Variants in CMKLR2 observed in about 807,000 individuals in gnomAD.
CMKLR2 encodes chemerin chemokine-like receptor 2.
A neutral mutation model predicts 23.0 loss-of-function variants in CMKLR2; 18 were observed. That is an observed-to-expected ratio of 0.78 (90% CI 0.54 to 1.16). The LOEUF is 1.16. Among genes scored for constraint, CMKLR2 ranks in the 50% most tolerant of loss-of-function variants. CMKLR2 has a pLI of 0.00. For missense variants in CMKLR2, 401 were observed against 412.7 expected (o/e 0.97, Z 0.25); for synonymous variants, 158 against 158.9 (o/e 0.99, Z 0.05).
intron 1 of CMKLR2, among the ~76,000 whole-genome samples, chr2:206,179,666 G>A (rs1481018111): frequency 6.6e-6 from 1 of 152,082 alleles, no homozygotes; most frequent in Non-Finnish European, 1.5e-5. Context: ...GTTTTTCTGG[G>A]TTAAGAAGAC....
rs755718806 is a variant in CMKLR2 at position 206,176,913 on chromosome 2, G to A, written c.335C>T (p.Ala112Val). The A allele has an allele frequency of 6.2e-7, 1 of 1,614,196 alleles. No individual in the cohort carries two copies. Among genetic ancestry groups the A allele is most frequent in the South Asian group, 1.1e-5 (1 of 91,080 alleles). The change falls in exon 2 of 2, where the codon GCC becomes GTC. Residue 112 changes from alanine (A) to valine (V), a missense_variant. Coordinates refer to ENST00000621141, the MANE Select transcript of CMKLR2 (RefSeq NM_001389445.1). ...HWPFGIWLCK[A>V]NSFTAQLNMF... is the part of the protein sequence containing the mutation. ...GTTCAACTGGGCAGTGAAGGAATTGGCTTTGCACAGCCAGATGCCAAAGGG... is the reference window on the plus strand; with the variant it reads ...GTTCAACTGGGCAGTGAAGGAATTGACTTTGCACAGCCAGATGCCAAAGGG...
At chr2:206,205,088 G>T (rs1452027590) in intron 1 of CMKLR2, among the ~76,000 whole-genome samples, 1 of 152,150 alleles carries the variant, frequency 6.6e-6, no homozygotes, top group Non-Finnish European at 1.5e-5. Flanking sequence ...TAAGTTTGAT[G>T]AATATATCAT....
chr2:206,185,995 C>T (rs543005865), intron 1 of CMKLR2, among the ~76,000 whole-genome samples: 1 of 152,198 alleles, frequency 6.6e-6, no homozygotes, highest in East Asian at 1.9e-4. Flanking sequence ...TGGGTGACCT[C>T]GTGGAACAGA....
At chr2:206,191,638 G>C (rs1688750345) in intron 1 of CMKLR2, among the ~76,000 whole-genome samples, 1 of 149,896 alleles carries the variant, frequency 6.7e-6, no homozygotes, top group Admixed American at 6.7e-5. Context: ...ATATTATACT[G>C]TATAGTACTA....
intron 1 of CMKLR2, among the ~76,000 whole-genome samples, chr2:206,206,917 CTTTTTTT>C (rs66681603): frequency 7.9e-6 from 1 of 126,154 alleles, no homozygotes; most frequent in Non-Finnish European, 1.6e-5. Context: ...CCCCCTGCCC[CTTTTTTT>C]TTTTTTTTTT....
chr2:206,177,685 C>T (rs1199499515), intron 1 of CMKLR2, among the ~76,000 whole-genome samples: 1 of 152,136 alleles, frequency 6.6e-6, no homozygotes, highest in Non-Finnish European at 1.5e-5. Flanking sequence ...CTATACCCAG[C>T]AAATATAGTA....
chr2:206,203,291 T>G (rs1245784838), intron 1 of CMKLR2: 1 of 139,986 alleles, frequency 7.1e-6, no homozygotes. Context: ...ATCGCGCCAT[T>G]GCACTCCAGC....
intron 1 of CMKLR2, among the ~76,000 whole-genome samples, chr2:206,207,012 G>A (rs1375538669): frequency 6.8e-6 from 1 of 147,902 alleles, no homozygotes; most frequent in Non-Finnish European, 1.5e-5. Flanking sequence ...AATCTGTTCA[G>A]CCACTTCCTT....
chr2:206,176,997 A>G lies in CMKLR2; in HGVS notation c.251T>C (p.Phe84Ser), dbSNP rs1688248891. The change falls in exon 2 of 2, where the codon TTC (phenylalanine) becomes TCC (serine). Residue 84 changes from phenylalanine (F) to serine (S), a missense_variant. Phe to Ser is a radical substitution (Grantham distance 155). Coordinates refer to ENST00000621141, the MANE Select transcript of CMKLR2 (RefSeq NM_001389445.1). The stretch of plus-strand genomic sequence containing the variant: ...CAGGGGCAGAAAGAGAAGAAAAATG[A>G]AATCCGCAATGGCTAGATTGAGGAA... Reference protein sequence around the residue: ...LWFLNLAIADFIFLLFLPLYI... With the variant: ...LWFLNLAIADSIFLLFLPLYI... 1 of 1,614,104 alleles carries G rather than the reference A, an allele frequency of 6.2e-7. No homozygotes were observed. The highest frequency in any genetic ancestry group is 1.3e-5 in the African/African-American group (1 of 74,944).
chr2:206,210,864 A>C (rs1434776765), intron 1 of CMKLR2, among the ~76,000 whole-genome samples: 2 of 152,204 alleles, frequency 1.3e-5, no homozygotes, highest in African/African-American at 4.8e-5. Context: ...TTTTCCACTC[A>C]ATTAGAGGTT....
At chr2:206,207,728 C>CTTTTGTTTTTTTTTTTTTT (rs1689382989) in intron 1 of CMKLR2, among the ~76,000 whole-genome samples, 1 of 43,582 alleles carries the variant, frequency 2.3e-5, no homozygotes, top group Non-Finnish European at 3.7e-5. Context: ...ACCTCAGGGC[C>CTTTTGTTTTTTTTTTTTTT]TTTTTTTTTT....
intron 1 of CMKLR2, among the ~76,000 whole-genome samples, chr2:206,187,885 G>A (rs1393444556): frequency 6.6e-6 from 1 of 152,000 alleles, no homozygotes. Context: ...ACAGATAGTA[G>A]GTGGATATTA....
chr2:206,206,722 T>C (rs1689331252), intron 1 of CMKLR2, among the ~76,000 whole-genome samples: 1 of 152,172 alleles, frequency 6.6e-6, no homozygotes, highest in African/African-American at 2.4e-5. Flanking sequence ...CCTAGCACAG[T>C]GCCTGGCAAA....
At chr2:206,211,464 A>G (rs568938281) in intron 1 of CMKLR2, among the ~76,000 whole-genome samples, 1 of 152,178 alleles carries the variant, frequency 6.6e-6, no homozygotes, top group South Asian at 2.1e-4. Context: ...AGCTGGGACT[A>G]CAGGCACATG....
At chr2:206,183,820 C>T (rs943354122) in intron 1 of CMKLR2, among the ~76,000 whole-genome samples, 2 of 152,124 alleles carry the variant, frequency 1.3e-5, no homozygotes, top group African/African-American at 2.4e-5. Context: ...TCTTGTTTAC[C>T]TATTATAACT....
chr2:206,188,017 T>A (rs1166696200), intron 1 of CMKLR2, among the ~76,000 whole-genome samples: 1 of 152,110 alleles, frequency 6.6e-6, no homozygotes, highest in Non-Finnish European at 1.5e-5. Flanking sequence ...CACTCGAGAA[T>A]CAAGTATGAA....
At chr2:206,189,454 G>A (rs747094130) in intron 1 of CMKLR2, among the ~76,000 whole-genome samples, 16 of 152,242 alleles carry the variant, frequency 1.1e-4, no homozygotes, top group Non-Finnish European at 2.2e-4. Context: ...GGCCAACATG[G>A]TGAAACCCCA....
intron 1 of CMKLR2, among the ~76,000 whole-genome samples, chr2:206,181,983 A>G (rs886721104): frequency 1.3e-5 from 2 of 151,656 alleles, no homozygotes; most frequent in African/African-American, 4.8e-5. Context: ...AGGAAACCAT[A>G]AGGAAGAAAA....
intron 1 of CMKLR2, among the ~76,000 whole-genome samples, chr2:206,212,086 G>C (rs1689589669): frequency 6.6e-6 from 1 of 152,088 alleles, no homozygotes. Context: ...CTCACCATCA[G>C]AGTAACACAT....
Sources: allele counts gnomAD v4.1 joint callset (sites outside exome capture counted in the v4.1 genomes callset), GRCh38; gene constraint gnomAD v4.1.1; transcripts MANE v1.5; gene names NCBI Gene and HGNC (gene_info 2026-07-23, HGNC 2026-07-21).